IL17RA: variants seen among roughly 807,000 people sequenced by gnomAD.
IL17RA encodes interleukin-17 receptor A.
In IL17RA, 34 loss-of-function variants were observed where a neutral mutation model predicts 50.4. The observed-to-expected ratio is 0.67, with a 90% CI of 0.51 to 0.90. The LOEUF is 0.90. Among genes scored for constraint, IL17RA ranks in the 40% least tolerant of loss-of-function variants. The pLI is 0.00. For synonymous variants in IL17RA, 585 were observed against 510.4 expected (o/e 1.15, Z -1.97); for missense variants, 1,276 against 1,169.8 (o/e 1.09, Z -1.32).
At position 17,109,691 on chromosome 22, in the gene IL17RA, G is replaced by T. The variant is rs868722418; in HGVS notation, c.2472G>T (p.Pro824=). ...AAGAGGAGCAGGACCCAGGGAAGCC[G>T]GCCCTGCCACTCTCTCCCGAGGACC... ...EEEEEQDPGK[P]ALPLSPEDLE... Residue 824 remains proline (P), a synonymous_variant, in exon 13 of 13, where the codon CCG becomes CCT. Coordinates refer to ENST00000319363, the MANE Select transcript of IL17RA (RefSeq NM_014339.7). The T allele has an allele frequency of 4.4e-6, 7 of 1,578,290 alleles. No homozygotes were observed. The African/African-American group carries it at 8.1e-5, about 18-fold the overall frequency.
In IL17RA at chr22:17,102,007, G is replaced by T. The variant is rs527593084; in HGVS notation, c.562G>T (p.Ala188Ser). ...KNFLVPDCEH[A>S]RMKVTTPCMS... ...TTCTGGGTCGACAGACTGTGAGCACGCCAGGATGAAGGTAACCACGCCATG... is the reference window on the plus strand; with the variant it reads ...TTCTGGGTCGACAGACTGTGAGCACTCCAGGATGAAGGTAACCACGCCATG... The change falls in exon 6 of 13, where the codon GCC becomes TCC. Residue 188 changes from alanine to serine, a missense_variant. Physicochemically the swap from Ala to Ser is moderately conservative, Grantham distance 99. Coordinates refer to ENST00000319363, the MANE Select transcript of IL17RA (RefSeq NM_014339.7). The T allele has an allele frequency of 2.5e-6, 4 of 1,614,226 alleles. No individual in the cohort carries two copies. Among genetic ancestry groups the T allele is most frequent in the Non-Finnish European group, 3.4e-6 (4 of 1,180,038 alleles).
At chr22:17,101,879 C>A in intron 5 of IL17RA, 117 bp from the exon 6 acceptor site, 1 of 1,275,870 alleles carries the variant, frequency 7.8e-7, no homozygotes, top group Non-Finnish European at 1.1e-6. Context: ...TCTGAAGGGG[C>A]CACCTGCGGA....
intron 10 of IL17RA, 120 bp downstream of exon 10, chr22:17,105,722 G>C: frequency 7.2e-7 from 1 of 1,387,306 alleles, no homozygotes; most frequent in Non-Finnish European, 1.0e-6. Flanking sequence ...GCCCGGGGTG[G>C]GGGGTGAGAC....
chr22:17,106,309 G>A (rs922928241), intron 11 of IL17RA, among the ~76,000 whole-genome samples: 7 of 152,208 alleles, frequency 4.6e-5, no homozygotes, highest in Non-Finnish European at 8.8e-5. Context: ...AGACGTGGAC[G>A]CCTGGGGTCA....
chr22:17,109,772 C>A lies in IL17RA; in HGVS notation c.2553C>A (p.Asn851Lys), dbSNP rs1281144372. The A allele has an allele frequency of 7.5e-5, 117 of 1,552,500 alleles. 1 individual carries two copies. Among genetic ancestry groups the A allele is most frequent in the Non-Finnish European group, 9.3e-5 (107 of 1,148,336 alleles). Residue 851 changes from asparagine (N) to lysine (K), a missense_variant, in exon 13 of 13, where the codon AAC (asparagine) becomes AAA (lysine). Coordinates refer to ENST00000319363, the MANE Select transcript of IL17RA (RefSeq NM_014339.7). ...RQLLFRQLQKNSGWDTMGSES... is the reference protein window; with the variant it reads ...RQLLFRQLQKKSGWDTMGSES... ...TGCTTTTCCGCCAGCTGCAGAAGAA[C>A]TCGGGCTGGGACACGATGGGGTCAG... is the stretch of plus-strand genomic sequence containing the variant.
rs1490079792 is a variant in IL17RA at position 17,114,782 on chromosome 22, C to T, written c.*4962C>T. The stretch of plus-strand genomic sequence containing the variant: ...CTGGACCCAAGCAACAGCCGACTAC[C>T]GAAGGTTGCCTGGAGCAGTGCAGAT... On this transcript the variant is annotated 3_prime_UTR_variant, in exon 13 of 13. Transcript: ENST00000319363. 2.0e-5 allele frequency: 3 copies of T among 152,224 alleles called. No individual in the cohort carries two copies. Among genetic ancestry groups the T allele is most frequent in the Admixed American group, 1.3e-4 (2 of 15,278 alleles). 9.4% of individuals were successfully genotyped at this position (152,224 alleles called of 1,614,324 possible).
chr22:17,103,635 G>A, intron 8 of IL17RA, 58 bp downstream of exon 8: 3 of 1,324,250 alleles, frequency 2.3e-6, no homozygotes, highest in Non-Finnish European at 3.2e-6. Flanking sequence ...ATTATAGAGT[G>A]GACAGGAGTG....
chr22:17,110,974 AG>A lies in IL17RA; in HGVS notation c.*1155del, dbSNP rs1226511326. The stretch of plus-strand genomic sequence containing the variant: ...GGGGAAAGCGTAGTCCCAGCAAGGA[AG>A]CAGTTTGTGGGTAAGTGCTGGGAGG... On this transcript the variant is annotated 3_prime_UTR_variant, in exon 13 of 13. Transcript: ENST00000319363. The A allele has an allele frequency of 1.3e-5, 2 of 152,114 alleles. No individual in the cohort carries two copies. The highest frequency in any genetic ancestry group is 2.9e-5 in the Non-Finnish European group (2 of 68,128). 9.4% of individuals were successfully genotyped at this position (152,114 alleles called of 1,614,324 possible).
chr22:17,096,305 G>A (rs2123796504), intron 1 of IL17RA, among the ~76,000 whole-genome samples: 1 of 152,302 alleles, frequency 6.6e-6, no homozygotes, highest in East Asian at 1.9e-4. Context: ...AGAATGGGCT[G>A]AGGATAATAC....
chr22:17,101,074 G>A (rs1349009346), intron 5 of IL17RA, among the ~76,000 whole-genome samples: 1 of 152,108 alleles, frequency 6.6e-6, no homozygotes, highest in African/African-American at 2.4e-5. Context: ...TTTTAATAGA[G>A]ATAGGGTCTT....
rs143897670 is a variant in IL17RA at position 17,107,727 on chromosome 22, G to C, written c.1046G>C (p.Gly349Ala). 271 of 1,613,260 alleles carry C rather than the reference G, an allele frequency of 1.7e-4. No homozygotes were observed. The highest frequency in any genetic ancestry group is 9.8e-5 in the Non-Finnish European group (115 of 1,179,188). ...LIVCMTWRLA[G>A]PGSEKYSDDT... ...CCAGTGTATTTCTTTTCCTTTCCAGGGCCTGGAAGTGAAAAATACAGTGAT... is the reference window on the plus strand; with the variant it reads ...CCAGTGTATTTCTTTTCCTTTCCAGCGCCTGGAAGTGAAAAATACAGTGAT... The change falls in exon 12 of 13, where the codon GGG becomes GCG. Residue 349 changes from glycine to alanine, a missense_variant and splice_region_variant. Gly to Ala is a moderately conservative substitution (Grantham distance 60, BLOSUM62 0). Coordinates refer to ENST00000319363, the MANE Select transcript of IL17RA (RefSeq NM_014339.7).
rs201996921 is a variant in IL17RA, at chr22:17,097,880, G to A, written c.247G>A (p.Ala83Thr). 2.9e-5 allele frequency: 47 copies of A among 1,614,014 alleles called. No homozygotes were observed. In the Admixed American group the frequency reaches 3.5e-4, roughly 12 times the overall value. ...GGACCTGCAGATCCAGCTGCACTTT[G>A]CCCACACCCAACAAGGAGACCTGTT... Reference protein sequence around the residue: ...PKDLQIQLHFAHTQQGDLFPV... With the variant: ...PKDLQIQLHFTHTQQGDLFPV... The change falls in exon 3 of 13, where the codon GCC (alanine) becomes ACC (threonine). Residue 83 changes from alanine to threonine, a missense_variant. Ala to Thr is a moderately conservative substitution (Grantham distance 58, BLOSUM62 0). Transcript: ENST00000319363.
intron 3 of IL17RA, among the ~76,000 whole-genome samples, chr22:17,098,308 C>T (rs1463799884): frequency 1.3e-5 from 2 of 152,180 alleles, no homozygotes; most frequent in South Asian, 2.1e-4. Flanking sequence ...ACTTTTAAAA[C>T]GTCCCCCAAG....
chr22:17,095,622 A>G (rs1767273733), intron 1 of IL17RA, among the ~76,000 whole-genome samples: 1 of 152,156 alleles, frequency 6.6e-6, no homozygotes, highest in African/African-American at 2.4e-5. Flanking sequence ...ACATCCTAGG[A>G]ATTTTAAGGG....
Position 17,111,157 on chromosome 22 carries a change from C to G in IL17RA, c.*1337C>G, listed in dbSNP as rs964444462. The G allele has an allele frequency of 3.3e-5, 5 of 152,136 alleles. No homozygotes were observed. The highest frequency in any genetic ancestry group is 9.7e-5 in the African/African-American group (4 of 41,380). 9.4% of individuals were successfully genotyped at this position (152,136 alleles called of 1,614,324 possible). A position where few individuals can be genotyped will look rare whatever the true frequency, so the allele number is the denominator to read the frequency against. On this transcript the variant is annotated 3_prime_UTR_variant, in exon 13 of 13. Transcript: ENST00000319363. ...CAGTCCTGAGGCCTGGGGCACCTTT[C>G]GTCTGATGAGCCTCTGCATGGAGAG... is the stretch of plus-strand genomic sequence containing the variant.
intron 1 of IL17RA, chr22:17,093,618 C>A (rs1324123398): frequency 6.4e-6 from 1 of 155,718 alleles, no homozygotes; most frequent in Non-Finnish European, 1.4e-5. Flanking sequence ...ACAGTTTGTT[C>A]TCATCCACAA....
At position 17,111,439 on chromosome 22, in the gene IL17RA, C is replaced by G. The variant is rs1199171981; in HGVS notation, c.*1619C>G. 1 of 152,038 alleles carries G rather than the reference C, an allele frequency of 6.6e-6. No homozygotes were observed. The highest frequency in any genetic ancestry group is 1.5e-5 in the Non-Finnish European group (1 of 68,008). The allele number at this position is 152,038 out of a possible 1,614,324, so 9.4% of individuals were successfully genotyped here. A position where few individuals can be genotyped will look rare whatever the true frequency, so the allele number is the denominator to read the frequency against. ...TGGGTCAGTGAAGATCTGGGCAGAC[C>G]TTGTGTGGGGAAGGGGTGCTGCTGT... is the stretch of plus-strand genomic sequence containing the variant. On this transcript the variant is annotated 3_prime_UTR_variant, in exon 13 of 13. Transcript: ENST00000319363.
At chr22:17,095,166 C>T (rs540018522) in intron 1 of IL17RA, among the ~76,000 whole-genome samples, 1 of 152,190 alleles carries the variant, frequency 6.6e-6, no homozygotes, top group South Asian at 2.1e-4. Context: ...ATCAAAAGAA[C>T]AATGCACCAT....
At chr22:17,089,937 A>G (rs2061342156) in intron 1 of IL17RA, among the ~76,000 whole-genome samples, 1 of 152,094 alleles carries the variant, frequency 6.6e-6, no homozygotes, top group South Asian at 2.1e-4. Context: ...AATTTGTTGG[A>G]CAAGACAAGA....
Sources: gnomAD v4.1 joint callset for allele counts (sites outside exome capture counted in the v4.1 genomes callset) on GRCh38, gnomAD v4.1.1 for gene constraint, MANE v1.5 for transcripts, NCBI Gene and HGNC (gene_info 2026-07-23, HGNC 2026-07-21) for gene names.